The following ITGA11 variants were observed in gnomAD, a reference collection of about 807,000 sequenced individuals.
ITGA11 encodes the protein integrin alpha-11.
Under a neutral mutation model 141.9 loss-of-function variants are expected in ITGA11, and 97 were observed. That is an observed-to-expected ratio of 0.68 (90% confidence interval 0.58 to 0.81). ITGA11 has a LOEUF of 0.81. Ranked by LOEUF, ITGA11 falls within the 30% of genes least tolerant of loss-of-function variation. ITGA11 has a pLI of 0.00. For missense variants in ITGA11, 1,387 were observed against 1,559.2 expected (o/e 0.89, Z 1.86); for synonymous variants, 658 against 624.6 (o/e 1.05, Z -0.80).
chr15:68,353,501 C>A (rs1447501985), intron 7 of ITGA11, among the ~76,000 whole-genome samples: 1 of 152,072 alleles, frequency 6.6e-6, no homozygotes, highest in Non-Finnish European at 1.5e-5. Context: ...ATGGCAGGAG[C>A]AAAACAGGTT....
At chr15:68,315,913 G>A (rs1158912604) in intron 21 of ITGA11, among the ~76,000 whole-genome samples, 186 bp from the exon 22 acceptor site, 1 of 152,206 alleles carries the variant, frequency 6.6e-6, no homozygotes, top group Admixed American at 6.5e-5. Flanking sequence ...TGAGCTTCAG[G>A]GCTGCTGTGG....
At chr15:68,375,448 C>T (rs528336252) in intron 2 of ITGA11, among the ~76,000 whole-genome samples, 11 of 152,344 alleles carry the variant, frequency 7.2e-5, no homozygotes, top group Non-Finnish European at 1.5e-4. Context: ...TCTGGGGAAG[C>T]GCTGAGAGCA....
intron 10 of ITGA11, among the ~76,000 whole-genome samples, chr15:68,344,994 C>T (rs1174465738): frequency 6.6e-6 from 1 of 151,984 alleles, no homozygotes; most frequent in African/African-American, 2.4e-5. Context: ...TTGTAGTCCT[C>T]TTTCTCCCTC....
chr15:68,330,050 G>A (rs1276458799), intron 15 of ITGA11, among the ~76,000 whole-genome samples: 2 of 152,242 alleles, frequency 1.3e-5, no homozygotes, highest in African/African-American at 4.8e-5. Context: ...CACGCGTGGT[G>A]AGGACAGGCT....
At chr15:68,330,024 A>G (rs1299660088) in intron 15 of ITGA11, among the ~76,000 whole-genome samples, 3 of 152,204 alleles carry the variant, frequency 2.0e-5, no homozygotes, top group South Asian at 2.1e-4. Context: ...ATGCTGAGAC[A>G]CTGAGCAAAG....
rs1214974865 is a variant in ITGA11 at position 68,303,042 on chromosome 15, A to G, written c.*17T>C. The G allele has an allele frequency of 4.5e-6, 7 of 1,544,732 alleles. No homozygotes were observed. On this transcript the variant is annotated 3_prime_UTR_variant, in exon 30 of 30. Transcript: ENST00000315757. The surrounding 1 kb of genome is among the most constrained non-coding windows in gnomAD (Gnocchi z 5.3). ...TGGTGTCCTGGCCCCCATCAACTCA[A>G]AGTCTCCTCTGGAGCCTCACTCCAG... is the stretch of plus-strand genomic sequence containing the variant.
At chr15:68,413,354 T>A (rs1475948815) in intron 1 of ITGA11, among the ~76,000 whole-genome samples, 2 of 152,322 alleles carry the variant, frequency 1.3e-5, no homozygotes, top group Admixed American at 1.3e-4. Context: ...GTTAGTCCCC[T>A]CTATGGCCCT....
chr15:68,355,797 C>G (rs909114174), intron 7 of ITGA11, among the ~76,000 whole-genome samples: 2 of 151,840 alleles, frequency 1.3e-5, no homozygotes, highest in African/African-American at 4.8e-5. Flanking sequence ...CGTCAACTAA[C>G]CCTACCTAAG....
rs1050110297 is a variant in ITGA11, at chr15:68,297,172, C to G, written c.*5887G>C. 5 of 152,148 alleles carry G rather than the reference C, an allele frequency of 3.3e-5. No homozygotes were observed. Among genetic ancestry groups the G allele is most frequent in the Non-Finnish European group, 7.3e-5 (5 of 68,060 alleles). The allele number at this position is 152,148 out of a possible 1,614,324, so 9.4% of individuals were successfully genotyped here. On this transcript the variant is annotated 3_prime_UTR_variant, in exon 30 of 30. Coordinates refer to ENST00000315757, the MANE Select transcript of ITGA11 (RefSeq NM_001004439.2). ...CCATGATGCCTAGGCTGGTCTTGAA[C>G]TCCTGGGTTCAAGCAGTCCTCCCAC...
In ITGA11 at chr15:68,324,034, T is replaced by C. The variant is rs1306514107; in HGVS notation, c.2322+1097A>G. 2.0e-5 allele frequency among the ~76,000 whole-genome samples: 3 copies of C among 152,192 alleles called. No individual in the cohort carries two copies. Among genetic ancestry groups the C allele is most frequent in the Non-Finnish European group, 4.4e-5 (3 of 68,034 alleles). Reference sequence around the variant, plus strand: ...TTTGCCATAGTGACTTTGTAATTACTGCGAGAGGACAAAAATGACTTAGTG... The same window carrying C: ...TTTGCCATAGTGACTTTGTAATTACCGCGAGAGGACAAAAATGACTTAGTG... On this transcript the variant is annotated intron_variant, in intron 18 of 29. Coordinates refer to ENST00000315757, the MANE Select transcript of ITGA11 (RefSeq NM_001004439.2). The surrounding 1 kb of genome is among the most constrained non-coding windows in gnomAD (Gnocchi z 6.3).
chr15:68,388,162 T>C lies in ITGA11; in HGVS notation c.164+14756A>G, dbSNP rs996829378. On this transcript the variant is annotated intron_variant, in intron 2 of 29. Coordinates refer to ENST00000315757, the MANE Select transcript of ITGA11 (RefSeq NM_001004439.2). Reference sequence around the variant, plus strand: ...CACAATCTTCCTAGTCAGCAAGATATGTCCTCAATCATCCTGCAGCCTCTT... The same window carrying C: ...CACAATCTTCCTAGTCAGCAAGATACGTCCTCAATCATCCTGCAGCCTCTT... Among the ~76,000 whole-genome samples the C allele has an allele frequency of 2.6e-5, 4 of 152,158 alleles. 1 individual carries two copies. Among genetic ancestry groups the C allele is most frequent in the African/African-American group, 4.8e-5 (2 of 41,430 alleles).
At chr15:68,415,597 G>A (rs75031503) in intron 1 of ITGA11, among the ~76,000 whole-genome samples, 8,987 of 152,270 alleles carry the variant, frequency 0.059, 818 homozygotes, top group African/African-American at 0.2. Context: ...GTGGCTCTGA[G>A]CACGCCAGTG....
chr15:68,320,493 G>T, intron 19 of ITGA11, 101 bp from the exon 20 acceptor site: 1 of 878,570 alleles, frequency 1.1e-6, no homozygotes. Context: ...CTGGGCACTT[G>T]ACTGGCCTCT....
intron 1 of ITGA11, among the ~76,000 whole-genome samples, chr15:68,412,481 A>G (rs1465261126): frequency 1.3e-5 from 2 of 151,968 alleles, no homozygotes; most frequent in African/African-American, 2.4e-5. Context: ...CAGGCACCCA[A>G]CATGGATTCT....
At chr15:68,372,750 C>T (rs1308809214) in intron 2 of ITGA11, among the ~76,000 whole-genome samples, 1 of 152,162 alleles carries the variant, frequency 6.6e-6, no homozygotes, top group Non-Finnish European at 1.5e-5. Context: ...AGACAAAGGG[C>T]CCCTGGCTCC....
rs60594875 is a variant in ITGA11 at position 68,403,291 on chromosome 15, T to C, written c.53-262A>G. On this transcript the variant is annotated intron_variant, in intron 1 of 29. Coordinates refer to ENST00000315757, the MANE Select transcript of ITGA11 (RefSeq NM_001004439.2). ...GGTTTCAATGTGTATCCCTTCCAAA[T>C]CTGACGTTGAAACAGGATTCCCAAT... is the stretch of plus-strand genomic sequence containing the variant. Among the ~76,000 whole-genome samples, 1,388 of 152,260 alleles carry C rather than the reference T, an allele frequency of 9.1e-3. 21 individuals carry two copies. The highest frequency in any genetic ancestry group is 0.032 in the African/African-American group (1,336 of 41,544).
At chr15:68,411,941 C>A (rs543437237) in intron 1 of ITGA11, among the ~76,000 whole-genome samples, 17 of 151,986 alleles carry the variant, frequency 1.1e-4, no homozygotes, top group Admixed American at 1.1e-3. Context: ...CTGAGTTGCC[C>A]CAGCCCAACC....
chr15:68,345,322 T>G (rs1366869469), intron 10 of ITGA11, among the ~76,000 whole-genome samples: 1 of 152,176 alleles, frequency 6.6e-6, no homozygotes, highest in Non-Finnish European at 1.5e-5. Context: ...TTTCTGCAAA[T>G]CAAGACTAGG....
chr15:68,302,303 T>C lies in ITGA11; in HGVS notation c.*756A>G, dbSNP rs1328675863. The C allele has an allele frequency of 6.6e-6, 1 of 152,006 alleles. No individual in the cohort carries two copies. The highest frequency in any genetic ancestry group is 6.6e-5 in the Admixed American group (1 of 15,264). 9.4% of individuals were successfully genotyped at this position (152,006 alleles called of 1,614,324 possible). ...TGGGAACAAAAGTGACCCGGGAGGG[T>C]TGGCAGCTGAGAGCAAGGGGCTGCA... On this transcript the variant is annotated 3_prime_UTR_variant, in exon 30 of 30. Coordinates refer to ENST00000315757, the MANE Select transcript of ITGA11 (RefSeq NM_001004439.2).
Sources: gnomAD v4.1 joint callset for allele counts (sites outside exome capture counted in the v4.1 genomes callset) on GRCh38, gnomAD v4.1.1 for gene constraint, Gnocchi (gnomAD v3.1) non-coding constraint, MANE v1.5 for transcripts, NCBI Gene and HGNC (gene_info 2026-07-23, HGNC 2026-07-21) for gene names.